The following CA8 variants were observed in gnomAD, a reference collection of about 807,000 sequenced individuals.
CA8 encodes carbonic anhydrase 8 (inactive), also known as carbonic anhydrase-related protein.
In CA8, 22 loss-of-function variants were observed where a neutral mutation model predicts 41.4. The ratio of observed to expected loss-of-function variants is 0.53; its 90% CI spans 0.38 to 0.76. The LOEUF (loss-of-function observed/expected upper bound fraction) is 0.76. Among genes scored for constraint, CA8 ranks in the 30% least tolerant of loss-of-function variants. CA8 has a pLI of 0.00. For synonymous variants in CA8, 121 were observed against 130.6 expected (o/e 0.93, Z 0.50); for missense variants, 270 against 352.8 (o/e 0.77, Z 1.88).
At chr8:60,195,493 T>A (rs1415911677) in intron 8 of CA8, among the ~76,000 whole-genome samples, 1 of 152,214 alleles carries the variant, frequency 6.6e-6, no homozygotes, top group African/African-American at 2.4e-5. Flanking sequence ...AAAGTATCCC[T>A]CTTTAAGTAC....
chr8:60,226,025 T>C (rs1411461321), intron 5 of CA8, among the ~76,000 whole-genome samples: 4 of 152,226 alleles, frequency 2.6e-5, no homozygotes, highest in African/African-American at 7.2e-5. Flanking sequence ...GGCCATATCA[T>C]GGCAGGGTCA....
At chr8:60,263,965 T>C (rs556930434) in intron 3 of CA8, among the ~76,000 whole-genome samples, 124 of 152,346 alleles carry the variant, frequency 8.1e-4, no homozygotes, top group Middle Eastern at 3.4e-3. Context: ...AAAAAGAATA[T>C]AAATATTATT....
intron 3 of CA8, among the ~76,000 whole-genome samples, chr8:60,235,527 C>T (rs937520694): frequency 6.6e-6 from 1 of 152,236 alleles, no homozygotes; most frequent in Non-Finnish European, 1.5e-5. Flanking sequence ...AAAGTCTCTT[C>T]AAATCTGAAA....
At chr8:60,195,254 T>C (rs1365469736) in intron 8 of CA8, among the ~76,000 whole-genome samples, 1 of 152,224 alleles carries the variant, frequency 6.6e-6, no homozygotes, top group African/African-American at 2.4e-5. Flanking sequence ...TCAATATAGT[T>C]ATAGCAGATG....
intron 2 of CA8, among the ~76,000 whole-genome samples, chr8:60,275,741 T>G (rs997994947): frequency 2.0e-5 from 3 of 152,090 alleles, no homozygotes; most frequent in Non-Finnish European, 4.4e-5. Flanking sequence ...ACCTACCAAG[T>G]GCCCAGCATA....
At chr8:60,220,114 C>T (rs1168452598) in intron 7 of CA8, among the ~76,000 whole-genome samples, 1 of 152,066 alleles carries the variant, frequency 6.6e-6, no homozygotes, top group African/African-American at 2.4e-5. Flanking sequence ...AATGGCCTAA[C>T]TGGCGATTAT....
Position 60,240,244 on chromosome 8 carries a change from G to A in CA8, c.418-7865C>T, listed in dbSNP as rs1272272105. Among the ~76,000 whole-genome samples, 7 of 152,306 alleles carry A rather than the reference G, an allele frequency of 4.6e-5. No homozygotes were observed. In the East Asian group the frequency reaches 1.4e-3, roughly 29 times the overall value. On this transcript the variant is annotated intron_variant, in intron 3 of 8. Coordinates refer to ENST00000317995, the MANE Select transcript of CA8 (RefSeq NM_004056.6). ...CTGCAAAGAAACAAGGAAAAATGAG[G>A]ACAGAAAGAGACTTTGGACCTATTG...
intron 2 of CA8, among the ~76,000 whole-genome samples, chr8:60,268,927 G>C (rs1014289586): frequency 6.6e-5 from 10 of 152,254 alleles, no homozygotes; most frequent in African/African-American, 2.4e-4. Flanking sequence ...GAAGTGTTTT[G>C]CCCCAGCCTG....
intron 2 of CA8, among the ~76,000 whole-genome samples, chr8:60,270,842 C>T (rs1804047781): frequency 6.6e-6 from 1 of 152,114 alleles, no homozygotes; most frequent in South Asian, 2.1e-4. Flanking sequence ...ACATTTGAGG[C>T]CTTAAAAGCA....
intron 3 of CA8, among the ~76,000 whole-genome samples, chr8:60,251,517 C>T (rs900957636): frequency 6.6e-6 from 1 of 152,216 alleles, no homozygotes; most frequent in Non-Finnish European, 1.5e-5. Context: ...CCTCCCGACA[C>T]TGCCATGTCA....
rs886270914 is a variant in CA8, at chr8:60,196,217, A to G, written c.*36-6232T>C. The stretch of plus-strand genomic sequence containing the variant: ...GTTTTTTCAATAAAAAAATTAAACA[A>G]TGGAAAAATCTATAGCTAGTCAAAA... On this transcript the variant is annotated intron_variant, in intron 8 of 8. Coordinates refer to ENST00000317995, the MANE Select transcript of CA8 (RefSeq NM_004056.6). Among the ~76,000 whole-genome samples, 7 of 152,204 alleles carry G rather than the reference A, an allele frequency of 4.6e-5. No homozygotes were observed. The East Asian group carries it at 7.7e-4, about 17-fold the overall frequency.
chr8:60,190,957 T>TATATACACACACAC (rs1554573722), intron 8 of CA8, among the ~76,000 whole-genome samples: 1 of 104,192 alleles, frequency 9.6e-6, no homozygotes, highest in African/African-American at 3.4e-5. Flanking sequence ...TATATATATA[T>TATATACACACACAC]ACACACACAC....
rs57878452 is a variant in CA8 at position 60,190,432 on chromosome 8, AATATATATATATATATATAT to A, written c.*36-467_*36-448del. ...TCTATTAAATAAATAATAAATGCAG[AATATATATATATATATATAT>A]ATATATATATATATATATATATATG... is the stretch of plus-strand genomic sequence containing the variant. On this transcript the variant is annotated intron_variant, in intron 8 of 8. Coordinates refer to ENST00000317995, the MANE Select transcript of CA8 (RefSeq NM_004056.6). Among the ~76,000 whole-genome samples the A allele has an allele frequency of 1.1e-3, 110 of 99,346 alleles. 1 individual carries two copies. The highest frequency in any genetic ancestry group is 6.8e-3 in the Admixed American group (64 of 9,400). 65.2% of individuals were successfully genotyped at this position (99,346 alleles called of 152,430 possible).
In CA8 at chr8:60,186,797, AT is replaced by A. The variant is rs201035481; in HGVS notation, c.*3223del. Among the ~76,000 whole-genome samples, 4 of 150,722 alleles carry A rather than the reference AT, an allele frequency of 2.7e-5. No individual in the cohort carries two copies. The highest frequency in any genetic ancestry group is 2.0e-4 in the East Asian group (1 of 5,128). ...ACAAAGTATATATTAAAATAAAAAA[AT>A]GTTACTAGAGATAAAGAAGGACAAA... On this transcript the variant is annotated 3_prime_UTR_variant, in exon 9 of 9. Transcript: ENST00000317995.
At position 60,270,069 on chromosome 8, in the gene CA8, A is replaced by C. The variant is rs148525429; in HGVS notation, c.293-4020T>G. The stretch of plus-strand genomic sequence containing the variant: ...GAGAATAAAATCAAAAGTTAGCTAC[A>C]GTCAAGGTGGGCATGAGGAGGAGAC... On this transcript the variant is annotated intron_variant, in intron 2 of 8. Transcript: ENST00000317995. 8.5e-5 allele frequency among the ~76,000 whole-genome samples: 13 copies of C among 152,360 alleles called. No individual in the cohort carries two copies. In the East Asian group the frequency reaches 2.5e-3, roughly 29 times the overall value.
chr8:60,254,891 A>G (rs1808571817), intron 3 of CA8, among the ~76,000 whole-genome samples: 1 of 152,240 alleles, frequency 6.6e-6, no homozygotes, highest in Middle Eastern at 3.2e-3. Flanking sequence ...TTAGATAACA[A>G]TGGAGCAAAC....
intron 3 of CA8, among the ~76,000 whole-genome samples, chr8:60,263,300 C>T (rs979081594): frequency 7.0e-5 from 10 of 142,162 alleles, no homozygotes; most frequent in Non-Finnish European, 9.0e-5. Flanking sequence ...CTAGCCTGGG[C>T]GACAGGGCAA....
At chr8:60,271,880 C>T (rs1478966110) in intron 2 of CA8, among the ~76,000 whole-genome samples, 1 of 148,640 alleles carries the variant, frequency 6.7e-6, no homozygotes, top group Non-Finnish European at 1.5e-5. Flanking sequence ...TTTAATTTGC[C>T]TGTGTACCTT....
intron 8 of CA8, among the ~76,000 whole-genome samples, chr8:60,194,875 T>C (rs964902683): frequency 2.0e-5 from 3 of 152,232 alleles, no homozygotes; most frequent in Non-Finnish European, 2.9e-5. Flanking sequence ...TCTTTCCTGT[T>C]ATTTTAATGC....
Sources: gnomAD v4.1 joint callset for allele counts (sites outside exome capture counted in the v4.1 genomes callset) on GRCh38, gnomAD v4.1.1 for gene constraint, MANE v1.5 for transcripts, NCBI Gene and HGNC (gene_info 2026-07-23, HGNC 2026-07-21) for gene names.